Variants in IPO7 observed in about 807,000 individuals in gnomAD.
IPO7 encodes the protein importin 7, also known as importin-7.
IPO7 carries 13 observed loss-of-function variants against 136.4 expected under a neutral mutation model. The ratio of observed to expected loss-of-function variants is 0.10; its 90% CI spans 0.06 to 0.15. The LOEUF is 0.15. Ranked by LOEUF, IPO7 falls within the 10% of genes least tolerant of loss-of-function variation. IPO7 has a pLI of 1.00. For synonymous variants in IPO7, 403 were observed against 404.4 expected (o/e 1.00, Z 0.04); for missense variants, 857 against 1,240.6 (o/e 0.69, Z 4.65).
Position 9,433,557 on chromosome 11 carries a change from T to G in IPO7, c.1882-13T>G, listed in dbSNP as rs994364023. 1.2e-6 allele frequency: 2 copies of G among 1,605,330 alleles called. No individual in the cohort carries two copies. The highest frequency in any genetic ancestry group is 8.5e-7 in the Non-Finnish European group (1 of 1,174,288). Reference sequence around the variant, plus strand: ...GGCTGTAACTGCATATGATTTTTTTTCTTCTCTTTTAGATAACCCAACAGC... The same window carrying G: ...GGCTGTAACTGCATATGATTTTTTTGCTTCTCTTTTAGATAACCCAACAGC... On this transcript the variant is annotated splice_polypyrimidine_tract_variant and intron_variant, in intron 16 of 24. Coordinates refer to ENST00000379719, the MANE Select transcript of IPO7 (RefSeq NM_006391.3).
At chr11:9,422,794 C>T (rs576681541) in intron 8 of IPO7, among the ~76,000 whole-genome samples, 2 of 151,624 alleles carry the variant, frequency 1.3e-5, no homozygotes, top group African/African-American at 4.8e-5. Context: ...ACAACAACAA[C>T]AAAAAAAACC....
chr11:9,394,143 C>T (rs1854676992), intron 1 of IPO7, among the ~76,000 whole-genome samples: 1 of 152,136 alleles, frequency 6.6e-6, no homozygotes, highest in Admixed American at 6.6e-5. Context: ...TCCCAAAGTG[C>T]TGGGATTGCA....
At chr11:9,402,067 G>T (rs188998485) in intron 1 of IPO7, among the ~76,000 whole-genome samples, 1 of 152,174 alleles carries the variant, frequency 6.6e-6, no homozygotes, top group African/African-American at 2.4e-5. Context: ...TGTCACAGAG[G>T]GTATTGTTTT....
chr11:9,424,183 A>G (rs1415634955), intron 10 of IPO7, among the ~76,000 whole-genome samples: 1 of 152,234 alleles, frequency 6.6e-6, no homozygotes, highest in Non-Finnish European at 1.5e-5. Flanking sequence ...TAGCCATCAT[A>G]TGAGTGGGAA....
Position 9,439,091 on chromosome 11 carries a change from T to C in IPO7, c.2695+806T>C, listed in dbSNP as rs190436542. ...GAGTTTGATTCCAGCCTGGGTAACA[T>C]AGTGAAACCCCAGTTTTTTGTTTTT... On this transcript the variant is annotated intron_variant, in intron 22 of 24. Transcript: ENST00000379719. Among the ~76,000 whole-genome samples the C allele has an allele frequency of 1.3e-3, 201 of 152,192 alleles. 2 individuals are homozygous for C. Among genetic ancestry groups the C allele is most frequent in the Admixed American group, 4.1e-3 (62 of 15,268 alleles).
chr11:9,409,925 C>T lies in IPO7; in HGVS notation c.321-3C>T. The T allele has an allele frequency of 4.0e-6, 6 of 1,496,810 alleles. No individual in the cohort carries two copies. The highest frequency in any genetic ancestry group is 1.3e-5 in the South Asian group (1 of 74,350). 92.7% of individuals were successfully genotyped at this position (1,496,810 alleles called of 1,614,324 possible). A position where few individuals can be genotyped will look rare whatever the true frequency, so the allele number is the denominator to read the frequency against. ...TTCCTTACTGTTTTTTTTTGGCTTC[C>T]AGGGTACAGCTTACTACATGCATTC... On this transcript the variant is annotated splice_region_variant and splice_polypyrimidine_tract_variant and intron_variant, in intron 3 of 24. Transcript: ENST00000379719.
chr11:9,397,260 G>A (rs1306735755), intron 1 of IPO7, among the ~76,000 whole-genome samples: 1 of 144,742 alleles, frequency 6.9e-6, no homozygotes, highest in African/African-American at 2.6e-5. Context: ...GCTGGGCGCA[G>A]TGGATCACGA....
intron 19 of IPO7, 73 bp from the exon 20 acceptor site, chr11:9,436,184 TACACAGGGTAGGAA>T: frequency 1.2e-6 from 1 of 841,532 alleles, no homozygotes; most frequent in Non-Finnish European, 2.0e-6. Flanking sequence ...TCAGAGCCTG[TACACAGGGTAGGAA>T]ATTGTTTCCT....
intron 4 of IPO7, among the ~76,000 whole-genome samples, chr11:9,411,139 T>C (rs1401430049): frequency 6.6e-6 from 1 of 152,166 alleles, no homozygotes; most frequent in Non-Finnish European, 1.5e-5. Flanking sequence ...GTCAATATCA[T>C]TGAGGAGGTT....
In IPO7 at chr11:9,384,710, C is replaced by G; in HGVS notation, c.-54C>G. ...GGGTCCATGTGCGCAGTGAGTGGCG[C>G]TATTCCTGGCCCAGTAGCACCCGAG... On this transcript the variant is annotated 5_prime_UTR_variant, in exon 1 of 25. Coordinates refer to ENST00000379719, the MANE Select transcript of IPO7 (RefSeq NM_006391.3). 1 of 1,440,970 alleles carries G rather than the reference C, an allele frequency of 6.9e-7. No homozygotes were observed. Among genetic ancestry groups the G allele is most frequent in the South Asian group, 1.2e-5 (1 of 81,254 alleles). 89.3% of individuals were successfully genotyped at this position (1,440,970 alleles called of 1,614,324 possible). A position where few individuals can be genotyped will look rare whatever the true frequency, so the allele number is the denominator to read the frequency against.
At chr11:9,388,221 A>G (rs1428333089) in intron 1 of IPO7, among the ~76,000 whole-genome samples, 5 of 151,016 alleles carry the variant, frequency 3.3e-5, no homozygotes, top group African/African-American at 1.2e-4. Context: ...CTTGTTGCCC[A>G]GGCTGGAGTG....
chr11:9,428,923 C>A, intron 13 of IPO7, 108 bp from the exon 14 acceptor site: 1 of 971,860 alleles, frequency 1.0e-6, no homozygotes, highest in Non-Finnish European at 1.7e-6. Flanking sequence ...GACACATCTA[C>A]CACTGGCCAG....
At chr11:9,432,051 C>T (rs530527748) in intron 16 of IPO7, among the ~76,000 whole-genome samples, 4 of 152,124 alleles carry the variant, frequency 2.6e-5, no homozygotes, top group Non-Finnish European at 5.9e-5. Flanking sequence ...TTCCTAACCC[C>T]TTTTCCCTAC....
At chr11:9,397,403 A>G (rs1269145926) in intron 1 of IPO7, among the ~76,000 whole-genome samples, 1 of 134,214 alleles carries the variant, frequency 7.5e-6, no homozygotes, top group Admixed American at 8.1e-5. Context: ...AAATTTTTTT[A>G]AATTTTCTGT....
At chr11:9,435,288 T>C (rs899192454) in intron 19 of IPO7, among the ~76,000 whole-genome samples, 4 of 152,172 alleles carry the variant, frequency 2.6e-5, no homozygotes, top group Admixed American at 6.5e-5. Context: ...CATAGTCTTA[T>C]GGAATCAAAA....
chr11:9,420,144 T>G, intron 6 of IPO7: 2 of 345,536 alleles, frequency 5.8e-6, no homozygotes, highest in South Asian at 9.0e-5. Context: ...TAACCCCGTC[T>G]CTACTAAAAA....
At chr11:9,436,857 TATATATATATA>T (rs1374512185) in intron 20 of IPO7, among the ~76,000 whole-genome samples, 2 of 18,330 alleles carry the variant, frequency 1.1e-4, no homozygotes, top group Admixed American at 7.7e-4. Context: ...TATATATATA[TATATATATATA>T]TTTTTTTTTT....
At chr11:9,406,681 G>C (rs978397185) in intron 2 of IPO7, among the ~76,000 whole-genome samples, 2 of 152,058 alleles carry the variant, frequency 1.3e-5, no homozygotes, top group African/African-American at 4.8e-5. Flanking sequence ...GACCAGCCTG[G>C]TCAACATGGT....
At chr11:9,441,772 T>C (rs992425216) in intron 23 of IPO7, among the ~76,000 whole-genome samples, 7 of 152,216 alleles carry the variant, frequency 4.6e-5, no homozygotes, top group Non-Finnish European at 7.3e-5. Context: ...TTGGGTTAGC[T>C]TTATTCCTGA....
Sources: gnomAD v4.1 joint callset for allele counts (sites outside exome capture counted in the v4.1 genomes callset) on GRCh38, gnomAD v4.1.1 for gene constraint, MANE v1.5 for transcripts, NCBI Gene and HGNC (gene_info 2026-07-23, HGNC 2026-07-21) for gene names.